The following RARB variants were observed in gnomAD, a reference collection of about 807,000 sequenced individuals.
The protein encoded by RARB is HBV-activated protein.
RARB carries 17 observed loss-of-function variants against 51.9 expected under a neutral mutation model. The ratio of observed to expected loss-of-function variants is 0.33; its 90% CI spans 0.22 to 0.49. RARB has a LOEUF of 0.49. RARB is among the 20% of genes least tolerant of loss of function. The pLI is 0.99. For missense variants in RARB, 369 were observed against 550.8 expected (o/e 0.67, Z 3.30); for synonymous variants, 215 against 195.4 (o/e 1.10, Z -0.84).
chr3:25,240,664 C>A (rs139011347), intron 5 of RARB, among the ~76,000 whole-genome samples: 13 of 152,316 alleles, frequency 8.5e-5, no homozygotes, highest in South Asian at 6.2e-4. Context: ...GACATTCTTA[C>A]ATCCCTGAGA....
At chr3:24,945,641 G>C (rs1001154968) in intron 2 of RARB, among the ~76,000 whole-genome samples, 5 of 152,224 alleles carry the variant, frequency 3.3e-5, no homozygotes, top group Non-Finnish European at 4.4e-5. Flanking sequence ...TATCCTTGGC[G>C]ATCCTCTTTG....
intron 4 of RARB, among the ~76,000 whole-genome samples, chr3:25,153,191 G>C (rs1700320281): frequency 6.6e-6 from 1 of 151,864 alleles, no homozygotes; most frequent in South Asian, 2.1e-4. Flanking sequence ...CAGTAGAGTA[G>C]AGGTGTCCTG....
chr3:24,861,943 T>C (rs1702756532), intron 2 of RARB, among the ~76,000 whole-genome samples: 1 of 152,210 alleles, frequency 6.6e-6, no homozygotes. Context: ...GTATGTATAA[T>C]TCCTTCCATG....
At chr3:25,323,553 A>C (rs945758986) in intron 5 of RARB, among the ~76,000 whole-genome samples, 3 of 152,218 alleles carry the variant, frequency 2.0e-5, no homozygotes, top group Admixed American at 2.0e-4. Flanking sequence ...AATGAAAACT[A>C]TGAAAGTATG....
intron 2 of RARB, among the ~76,000 whole-genome samples, chr3:25,008,442 T>C (rs1315211089): frequency 2.6e-5 from 4 of 152,150 alleles, no homozygotes; most frequent in Non-Finnish European, 5.9e-5. Context: ...TTAAGTACAG[T>C]TCAGTCTTGT....
At chr3:24,886,021 G>T (rs1169330050) in intron 2 of RARB, among the ~76,000 whole-genome samples, 3 of 152,096 alleles carry the variant, frequency 2.0e-5, no homozygotes, top group Non-Finnish European at 4.4e-5. Context: ...ACCCTAATTT[G>T]CTAACTGAGA....
intron 4 of RARB, among the ~76,000 whole-genome samples, chr3:25,167,140 C>T (rs1055832714): frequency 6.6e-6 from 1 of 152,082 alleles, no homozygotes; most frequent in Non-Finnish European, 1.5e-5. Flanking sequence ...TATTTAACTC[C>T]CTCTTCAGAG....
intron 1 of RARB, among the ~76,000 whole-genome samples, chr3:24,830,056 A>G (rs953509490): frequency 5.3e-5 from 8 of 152,044 alleles, no homozygotes; most frequent in Non-Finnish European, 8.8e-5. Context: ...GGAGTTGGAG[A>G]AGAGTACTAG....
At chr3:25,114,435 T>A (rs1305974311) in intron 3 of RARB, among the ~76,000 whole-genome samples, 1 of 152,166 alleles carries the variant, frequency 6.6e-6, no homozygotes, top group Non-Finnish European at 1.5e-5. Flanking sequence ...AGTTAAAACA[T>A]TTATTTTAGC....
intron 5 of RARB, among the ~76,000 whole-genome samples, chr3:25,401,930 C>T (rs558145863): frequency 1.3e-5 from 2 of 152,162 alleles, no homozygotes; most frequent in African/African-American, 2.4e-5. Flanking sequence ...GTGTGCGCCA[C>T]CAAGCTTGGC....
chr3:24,924,489 G>A (rs1575074446), intron 2 of RARB, among the ~76,000 whole-genome samples: 1 of 152,088 alleles, frequency 6.6e-6, no homozygotes, highest in South Asian at 2.1e-4. Flanking sequence ...GGAAATATGG[G>A]TAATGTGAGA....
chr3:25,305,107 C>T (rs986801718), intron 5 of RARB, among the ~76,000 whole-genome samples: 2 of 152,084 alleles, frequency 1.3e-5, no homozygotes, highest in Non-Finnish European at 2.9e-5. Flanking sequence ...ACACCACTGC[C>T]CCCTCCTGCC....
At chr3:25,375,481 A>G (rs1287345897) in intron 5 of RARB, among the ~76,000 whole-genome samples, 1 of 152,164 alleles carries the variant, frequency 6.6e-6, no homozygotes, top group Non-Finnish European at 1.5e-5. Flanking sequence ...GAGTCAGGCA[A>G]GGTGATCAGT....
intron 5 of RARB, among the ~76,000 whole-genome samples, chr3:25,279,456 G>C (rs1703470141): frequency 6.6e-6 from 1 of 152,106 alleles, no homozygotes; most frequent in Non-Finnish European, 1.5e-5. Flanking sequence ...TGTTCTAGGA[G>C]TTCAGATGCT....
chr3:25,511,289 C>T (rs1435831080), intron 3 of RARB, among the ~76,000 whole-genome samples: 11 of 151,992 alleles, frequency 7.2e-5, no homozygotes, highest in Admixed American at 2.0e-4. Context: ...CCCGCCACCA[C>T]GCTCGGCTAA....
At chr3:25,438,843 A>C (rs1394503649) in intron 1 of RARB, among the ~76,000 whole-genome samples, 1 of 152,178 alleles carries the variant, frequency 6.6e-6, no homozygotes, top group East Asian at 1.9e-4. Flanking sequence ...AAGAACTGTA[A>C]CTCGCATAGC....
intron 1 of RARB, among the ~76,000 whole-genome samples, chr3:25,439,446 C>T (rs1708568958): frequency 6.6e-6 from 1 of 152,138 alleles, no homozygotes; most frequent in East Asian, 1.9e-4. Context: ...CGCTCTGTTG[C>T]CCAGGCTGGA....
chr3:25,421,054 G>A (rs1242543635), intron 5 of RARB, among the ~76,000 whole-genome samples: 1 of 151,230 alleles, frequency 6.6e-6, no homozygotes, highest in Non-Finnish European at 1.5e-5. Context: ...TCTTCCACAG[G>A]GGCAGCAGGG....
At chr3:25,189,985 C>T (rs982350233) in intron 5 of RARB, among the ~76,000 whole-genome samples, 2 of 151,938 alleles carry the variant, frequency 1.3e-5, no homozygotes, top group African/African-American at 4.8e-5. Context: ...GCAGTGGGGC[C>T]AGAGTTAGAA....
Sources: gnomAD v4.1 joint callset for allele counts (sites outside exome capture counted in the v4.1 genomes callset) on GRCh38, gnomAD v4.1.1 for gene constraint, MANE v1.5 for transcripts, NCBI Gene and HGNC (gene_info 2026-07-23, HGNC 2026-07-21) for gene names.